The following SPATC1L variants were observed in gnomAD, a reference collection of about 807,000 sequenced individuals.
SPATC1L encodes the protein speriolin-like protein.
In SPATC1L, 20 loss-of-function variants were observed where a neutral mutation model predicts 21.2. The observed-to-expected ratio is 0.94, with a 90% CI of 0.66 to 1.37. The LOEUF (loss-of-function observed/expected upper bound fraction) is 1.37, where lower values mean the gene tolerates loss of function less well. Ranked by LOEUF, SPATC1L falls within the 40% of genes most tolerant of loss-of-function variation. SPATC1L has a pLI of 0.00. For missense variants in SPATC1L, 499 were observed against 478.7 expected (o/e 1.04, Z -0.40); for synonymous variants, 290 against 234.5 (o/e 1.24, Z -2.16).
intron 2 of SPATC1L, among the ~76,000 whole-genome samples, chr21:46,175,907 A>T (rs1203441934): frequency 1.1e-4 from 16 of 152,334 alleles, no homozygotes; most frequent in African/African-American, 3.6e-4. Context: ...AAAAATCCTC[A>T]ACAAAATTCT....
At chr21:46,162,657 ACT>A in intron 3 of SPATC1L, among the ~76,000 whole-genome samples, 1 of 127,210 alleles carries the variant, frequency 7.9e-6, no homozygotes, top group South Asian at 2.5e-4. Flanking sequence ...CGCCATCTCC[ACT>A]CACCGCAACC....
rs377159305 is a variant in SPATC1L, at chr21:46,168,974, G to C, written c.194-316C>G. Among the ~76,000 whole-genome samples, 21 of 152,284 alleles carry C rather than the reference G, an allele frequency of 1.4e-4. No individual in the cohort carries two copies. In the East Asian group the frequency reaches 3.7e-3, roughly 27 times the overall value. On this transcript the variant is annotated intron_variant, in intron 2 of 4. Transcript: ENST00000291672. ...ACACACTGGAGAATGACTTTTATAT[G>C]CTTAAGTTGTACATAAATGGTAGCA...
Position 46,161,304 on chromosome 21 carries a change from A to C in SPATC1L, c.*75T>G. The C allele has an allele frequency of 7.5e-7, 1 of 1,326,962 alleles. No individual in the cohort carries two copies. The allele number at this position is 1,326,962 out of a possible 1,614,324, so 82.2% of individuals were successfully genotyped here. ...ACGCGGCCCTTTCCCCTCCGGGGGG[A>C]CGCGCAGGAGGCACCGCGGCCCCGG... On this transcript the variant is annotated 3_prime_UTR_variant, in exon 5 of 5. Coordinates refer to ENST00000291672, the MANE Select transcript of SPATC1L (RefSeq NM_001142854.2).
chr21:46,179,756 C>T (rs537006870), intron 2 of SPATC1L, among the ~76,000 whole-genome samples: 84 of 152,310 alleles, frequency 5.5e-4, no homozygotes, highest in African/African-American at 1.7e-3. Flanking sequence ...GGAGACACGG[C>T]GAGTGGCATC....
At chr21:46,176,913 G>A (rs184533949) in intron 2 of SPATC1L, among the ~76,000 whole-genome samples, 70 of 152,122 alleles carry the variant, frequency 4.6e-4, no homozygotes, top group African/African-American at 1.6e-3. Context: ...AAAACAGCAC[G>A]GTACATAGAT....
intron 2 of SPATC1L, among the ~76,000 whole-genome samples, chr21:46,169,501 G>A (rs2079567879): frequency 7.7e-6 from 1 of 130,012 alleles, no homozygotes; most frequent in Non-Finnish European, 1.6e-5. Context: ...CTCTGTGGAT[G>A]GGGAGGAGCC....
At chr21:46,178,330 G>A (rs112835252) in intron 2 of SPATC1L, among the ~76,000 whole-genome samples, 24,145 of 151,732 alleles carry the variant, frequency 0.16, 2,230 homozygotes, top group South Asian at 0.29. Context: ...ACTAATGCAG[G>A]AACAGAAAAC....
At chr21:46,162,302 T>G (rs2079505510) in intron 3 of SPATC1L, among the ~76,000 whole-genome samples, 1 of 152,032 alleles carries the variant, frequency 6.6e-6, no homozygotes, top group Non-Finnish European at 1.5e-5. Flanking sequence ...TGCGATGAGG[T>G]AAACCTTTTA....
At chr21:46,165,566 GTAT>G (rs534554461) in intron 3 of SPATC1L, among the ~76,000 whole-genome samples, 16 of 123,888 alleles carry the variant, frequency 1.3e-4, no homozygotes, top group African/African-American at 5.0e-4. Flanking sequence ...TTAGATATGA[GTAT>G]GAGTCCTTTC....
chr21:46,162,622 T>C (rs2079510808), intron 3 of SPATC1L, among the ~76,000 whole-genome samples: 1 of 138,938 alleles, frequency 7.2e-6, no homozygotes, highest in Non-Finnish European at 1.5e-5. Context: ...AGTCTCACTC[T>C]GTCATCCAGG....
intron 2 of SPATC1L, among the ~76,000 whole-genome samples, chr21:46,182,120 G>A (rs1047913211): frequency 6.6e-6 from 1 of 152,180 alleles, no homozygotes; most frequent in African/African-American, 2.4e-5. Context: ...GTGGCTCTGA[G>A]GCCTCCCCAG....
intron 2 of SPATC1L, among the ~76,000 whole-genome samples, chr21:46,178,369 G>T (rs1237953941): frequency 6.6e-6 from 1 of 152,086 alleles, no homozygotes; most frequent in Non-Finnish European, 1.5e-5. Context: ...ACTTATAAGT[G>T]GGAGCTAAAC....
At chr21:46,173,872 CA>C (rs1186751415) in intron 2 of SPATC1L, among the ~76,000 whole-genome samples, 1 of 152,150 alleles carries the variant, frequency 6.6e-6, no homozygotes, top group Non-Finnish European at 1.5e-5. Flanking sequence ...CAGTGGATTC[CA>C]AACCTCAAGG....
At chr21:46,181,687 C>T (rs1002273462) in intron 2 of SPATC1L, among the ~76,000 whole-genome samples, 3 of 152,176 alleles carry the variant, frequency 2.0e-5, no homozygotes, top group African/African-American at 4.8e-5. Flanking sequence ...GGGCATGGCT[C>T]GTGCTCGCAG....
At chr21:46,176,534 C>A (rs1231085422) in intron 2 of SPATC1L, among the ~76,000 whole-genome samples, 1 of 152,164 alleles carries the variant, frequency 6.6e-6, no homozygotes, top group Non-Finnish European at 1.5e-5. Flanking sequence ...CCATTTACAA[C>A]TGCCACAAAA....
At chr21:46,164,794 G>GGAAAA (rs1555886862) in intron 3 of SPATC1L, among the ~76,000 whole-genome samples, 3 of 86,474 alleles carry the variant, frequency 3.5e-5, no homozygotes, top group African/African-American at 1.1e-4. Context: ...TCCATCTCAA[G>GGAAAA]AAAAAAAAAA....
At position 46,161,243 on chromosome 21, in the gene SPATC1L, T is replaced by G; in HGVS notation, c.*136A>C. The G allele has an allele frequency of 3.0e-5, 22 of 726,470 alleles. No individual in the cohort carries two copies. The highest frequency in any genetic ancestry group is 5.8e-5 in the South Asian group (2 of 34,474). 45.0% of individuals were successfully genotyped at this position (726,470 alleles called of 1,614,324 possible). A position where few individuals can be genotyped will look rare whatever the true frequency, so the allele number is the denominator to read the frequency against. On this transcript the variant is annotated 3_prime_UTR_variant, in exon 5 of 5. Coordinates refer to ENST00000291672, the MANE Select transcript of SPATC1L (RefSeq NM_001142854.2). Reference sequence around the variant, plus strand: ...GGCTGCGGTCGGGGCCCAGCACCGGTGGGAGCGGGGCCTTCTCTGGCCTCG... The same window carrying G: ...GGCTGCGGTCGGGGCCCAGCACCGGGGGGAGCGGGGCCTTCTCTGGCCTCG...
intron 2 of SPATC1L, among the ~76,000 whole-genome samples, chr21:46,178,255 AAC>A (rs2123651237): frequency 1.3e-5 from 2 of 151,574 alleles, no homozygotes; most frequent in African/African-American, 4.8e-5. Flanking sequence ...AAAAAAAAAA[AAC>A]CAGAATGAGA....
chr21:46,172,437 G>C (rs1260986654), intron 2 of SPATC1L, among the ~76,000 whole-genome samples: 1 of 152,232 alleles, frequency 6.6e-6, no homozygotes, highest in Non-Finnish European at 1.5e-5. Flanking sequence ...CACCGAACAA[G>C]ATGAGCCATT....
Sources: gnomAD v4.1 joint callset for allele counts (sites outside exome capture counted in the v4.1 genomes callset) on GRCh38, gnomAD v4.1.1 for gene constraint, MANE v1.5 for transcripts, NCBI Gene and HGNC (gene_info 2026-07-23, HGNC 2026-07-21) for gene names.